The following CYP4Z1 variants were observed in gnomAD, a reference collection of about 807,000 sequenced individuals.
CYP4Z1 encodes cytochrome P450 4Z1.
Under a neutral mutation model 54.2 loss-of-function variants are expected in CYP4Z1, and 41 were observed. That is an observed-to-expected ratio of 0.76 (90% CI 0.59 to 0.98). The LOEUF (loss-of-function observed/expected upper bound fraction) is 0.98. Ranked by LOEUF, CYP4Z1 falls within the 50% of genes least tolerant of loss-of-function variation. The pLI is 0.00. For missense variants in CYP4Z1, 513 were observed against 599.0 expected, an observed-to-expected ratio of 0.86 and a Z score of 1.50; for synonymous variants, 163 against 206.2, an observed-to-expected ratio of 0.79 and a Z score of 1.79.
At chr1:47,060,844 A>G in the CYP4Z1 span, among the ~76,000 whole-genome samples, 1 of 152,232 alleles carries the variant, frequency 6.6e-6, no homozygotes, top group Non-Finnish European at 1.5e-5. Flanking sequence ...CCAAAATCAT[A>G]CCAAACACAC....
At chr1:47,088,213 A>C (rs1644612301) in intron 6 of CYP4Z1, among the ~76,000 whole-genome samples, 1 of 151,478 alleles carries the variant, frequency 6.6e-6, no homozygotes, top group African/African-American at 2.4e-5. Flanking sequence ...GCCTCATAAA[A>C]TGAGTTAGGG....
At chr1:47,072,368 A>C (rs778194360) in intron 2 of CYP4Z1, among the ~76,000 whole-genome samples, 10 of 550 alleles carry the variant, frequency 0.018, 1 homozygote, top group Non-Finnish European at 0.2. Flanking sequence ...AATGGTGAGC[A>C]TCAAAGGAGA....
intron 8 of CYP4Z1, among the ~76,000 whole-genome samples, chr1:47,103,595 C>CTTTTTTT (rs373166937): frequency 2.1e-5 from 2 of 96,030 alleles, no homozygotes; most frequent in East Asian, 3.3e-4. Context: ...TCTTTTTTTT[C>CTTTTTTT]TTTTTTTTTT....
chr1:47,067,754 T>C, intron 1 of CYP4Z1, 87 bp downstream of exon 1: 1 of 1,262,362 alleles, frequency 7.9e-7, no homozygotes, highest in South Asian at 2.0e-5. Context: ...GGGCATTATG[T>C]AATATGCAAA....
chr1:47,102,358 G>A (rs1228674412), intron 8 of CYP4Z1, among the ~76,000 whole-genome samples: 1 of 152,086 alleles, frequency 6.6e-6, no homozygotes, highest in Admixed American at 6.6e-5. Context: ...TAGCATTGTG[G>A]TTAGGTTGTA....
At position 47,099,159 on chromosome 1, in the gene CYP4Z1, A is replaced by C. The variant is rs751270047; in HGVS notation, c.942A>C (p.Ala314=). Residue 314 remains alanine (A), a synonymous_variant, in exon 8 of 12, where the codon GCA becomes GCC. Transcript: ENST00000334194. ...LQAEVKTFMF[A]GHDTTSSAIS... is the part of the protein sequence containing the mutation. ...CTGAAGTGAAAACGTTCATGTTTGCAGGACATGACACCACATCCAGTGCTA... is the reference window on the plus strand; with the variant it reads ...CTGAAGTGAAAACGTTCATGTTTGCCGGACATGACACCACATCCAGTGCTA... 7.4e-6 allele frequency: 12 copies of C among 1,614,076 alleles called. No homozygotes were observed. The highest frequency in any genetic ancestry group is 1.0e-5 in the Non-Finnish European group (12 of 1,179,960).
intron 8 of CYP4Z1, among the ~76,000 whole-genome samples, chr1:47,101,138 C>G (rs188825115): frequency 6.6e-6 from 1 of 152,220 alleles, no homozygotes; most frequent in Admixed American, 6.5e-5. Flanking sequence ...TGGATCTTCT[C>G]TCTTTTTCTC....
At chr1:47,064,404 TAAAC>T (rs1644439585), upstream of CYP4Z1, among the ~76,000 whole-genome samples, 1 of 152,000 alleles carries the variant, frequency 6.6e-6, no homozygotes. Flanking sequence ...TTAGCCTCCT[TAAAC>T]AAAACAATGG....
chr1:47,118,069 T>C lies in CYP4Z1; in HGVS notation c.*135T>C. Reference sequence around the variant, plus strand: ...TAACTTAGGATACTTCTGACTGGTTTTGACATCCATTAACAGTAATTTTAA... The same window carrying C: ...TAACTTAGGATACTTCTGACTGGTTCTGACATCCATTAACAGTAATTTTAA... On this transcript the variant is annotated 3_prime_UTR_variant, in exon 12 of 12. Transcript: ENST00000334194. 1 of 901,796 alleles carries C rather than the reference T, an allele frequency of 1.1e-6. No individual in the cohort carries two copies. The highest frequency in any genetic ancestry group is 1.6e-6 in the Non-Finnish European group (1 of 636,820). The allele number at this position is 901,796 out of a possible 1,614,324, so 55.9% of individuals were successfully genotyped here.
At chr1:47,116,867 T>G in intron 11 of CYP4Z1, 135 bp downstream of exon 11, 1 of 628,862 alleles carries the variant, frequency 1.6e-6, no homozygotes, top group Non-Finnish European at 2.7e-6. Context: ...TCTTCTCTTG[T>G]GACCAGTGCA....
At chr1:47,096,261 T>A (rs540422136) in intron 7 of CYP4Z1, among the ~76,000 whole-genome samples, 2 of 152,130 alleles carry the variant, frequency 1.3e-5, no homozygotes, top group East Asian at 3.9e-4. Flanking sequence ...CTATAAAAAA[T>A]TTAAAAATTA....
chr1:47,112,494 T>C (rs1417602076), intron 9 of CYP4Z1, among the ~76,000 whole-genome samples: 4 of 142,086 alleles, frequency 2.8e-5, no homozygotes, highest in Non-Finnish European at 6.0e-5. Context: ...AGAAAGTTAT[T>C]TAAGGAAGTA....
At chr1:47,092,736 T>C (rs1007187289) in intron 6 of CYP4Z1, among the ~76,000 whole-genome samples, 5 of 151,848 alleles carry the variant, frequency 3.3e-5, no homozygotes, top group Admixed American at 6.6e-5. Context: ...TTTCTGTTGC[T>C]TGCAGAGCTG....
chr1:47,116,389 G>T (rs1644830325), intron 10 of CYP4Z1, among the ~76,000 whole-genome samples: 1 of 152,170 alleles, frequency 6.6e-6, no homozygotes, highest in Non-Finnish European at 1.5e-5. Context: ...TTGTCTGGAT[G>T]ATTTGCTGCT....
At chr1:47,110,355 C>T (rs922273459) in intron 9 of CYP4Z1, among the ~76,000 whole-genome samples, 3 of 148,588 alleles carry the variant, frequency 2.0e-5, no homozygotes, top group Non-Finnish European at 3.0e-5. Context: ...TAAGCTAGAG[C>T]AAGCAGAAAC....
intron 2 of CYP4Z1, among the ~76,000 whole-genome samples, chr1:47,078,428 A>G (rs1644541131): frequency 6.7e-6 from 1 of 149,924 alleles, no homozygotes; most frequent in African/African-American, 2.5e-5. Flanking sequence ...TTGTTCATAC[A>G]TGAGTATTTT....
At position 47,084,842 on chromosome 1, in the gene CYP4Z1, G is replaced by A; in HGVS notation, c.636G>A (p.Leu212=). 6.6e-6 allele frequency: 10 copies of A among 1,521,308 alleles called. No individual in the cohort carries two copies. Among genetic ancestry groups the A allele is most frequent in the Non-Finnish European group, 8.8e-6 (10 of 1,138,156 alleles). The allele number at this position is 1,521,308 out of a possible 1,614,324, so 94.2% of individuals were successfully genotyped here. A position where few individuals can be genotyped will look rare whatever the true frequency, so the allele number is the denominator to read the frequency against. Residue 212 remains leucine (L), a synonymous_variant, in exon 6 of 12, where the codon CTG becomes CTA. Transcript: ENST00000334194. The stretch of plus-strand genomic sequence containing the variant: ...ATTCCAGTACCCTGGACTCATACCT[G>A]AAAGCAGTGTTCAACCTTAGCAAAA... ...IQLDSTLDSY[L]KAVFNLSKIS...
intron 2 of CYP4Z1, among the ~76,000 whole-genome samples, chr1:47,077,375 A>C (rs1229213686): frequency 6.6e-6 from 1 of 152,110 alleles, no homozygotes; most frequent in Non-Finnish European, 1.5e-5. Context: ...TAGTTAACTG[A>C]TAATCACCCA....
At chr1:47,089,337 G>C (rs1644621341) in intron 6 of CYP4Z1, among the ~76,000 whole-genome samples, 1 of 151,392 alleles carries the variant, frequency 6.6e-6, no homozygotes, top group Non-Finnish European at 1.5e-5. Flanking sequence ...TTTTTTTTAA[G>C]TTCCGAGGTA....
Sources: gnomAD v4.1 joint callset for allele counts (sites outside exome capture counted in the v4.1 genomes callset) on GRCh38, gnomAD v4.1.1 for gene constraint, MANE v1.5 for transcripts, NCBI Gene and HGNC (gene_info 2026-07-23, HGNC 2026-07-21) for gene names.